The following FLT1 variants were observed in gnomAD, a reference collection of about 807,000 sequenced individuals.
The protein encoded by FLT1 is fms related receptor tyrosine kinase 1.
In FLT1, 49 loss-of-function variants were observed where a neutral mutation model predicts 156.3. The observed-to-expected ratio is 0.31, with a 90% CI of 0.25 to 0.40. The LOEUF is 0.40. Among genes scored for constraint, FLT1 ranks in the 10% least tolerant of loss-of-function variants. The pLI is 1.00. For missense variants in FLT1, 1,322 were observed against 1,637.2 expected (o/e 0.81, Z 3.32); for synonymous variants, 594 against 583.8 (o/e 1.02, Z -0.25).
In FLT1 at chr13:28,454,516, G is replaced by A. The variant is rs1009870876; in HGVS notation, c.388+12387C>T. On this transcript the variant is annotated intron_variant, in intron 3 of 29. Transcript: ENST00000282397. ...TGCCATACACTAGTTATATAACCTTGAAAAAGCTACTTAACCTTTCTGAGA... is the reference window on the plus strand; with the variant it reads ...TGCCATACACTAGTTATATAACCTTAAAAAAGCTACTTAACCTTTCTGAGA... 2.0e-5 allele frequency among the ~76,000 whole-genome samples: 3 copies of A among 152,124 alleles called. No individual in the cohort carries two copies. In the East Asian group the frequency reaches 5.8e-4, roughly 29 times the overall value.
rs747434441 is a variant in FLT1, at chr13:28,329,609, C to A, written c.2707+6G>T. 8.7e-6 allele frequency: 14 copies of A among 1,604,698 alleles called. No homozygotes were observed. In the Admixed American group the frequency reaches 2.2e-4, roughly 25 times the overall value. On this transcript the variant is annotated splice_donor_region_variant and intron_variant, in intron 19 of 29. Coordinates refer to ENST00000282397, the MANE Select transcript of FLT1 (RefSeq NM_002019.4). ...AGACGGAGCCGGCCCTCCCCTTCTCCATTACCTCCTTGCTTGGTGCAGGCT... is the reference window on the plus strand; with the variant it reads ...AGACGGAGCCGGCCCTCCCCTTCTCAATTACCTCCTTGCTTGGTGCAGGCT...
chr13:28,360,296 A>G (rs1408848092), intron 14 of FLT1, among the ~76,000 whole-genome samples: 1 of 152,242 alleles, frequency 6.6e-6, no homozygotes, highest in Non-Finnish European at 1.5e-5. Flanking sequence ...AAACAACTAA[A>G]AAGAAAACTG....
chr13:28,305,239 C>A (rs181591896), intron 29 of FLT1, among the ~76,000 whole-genome samples: 64 of 152,214 alleles, frequency 4.2e-4, no homozygotes, highest in African/African-American at 1.4e-3. Flanking sequence ...ATGGTAATTT[C>A]TTTCCCTTTT....
At chr13:28,329,277 G>C (rs1871821950) in intron 19 of FLT1, among the ~76,000 whole-genome samples, 1 of 152,206 alleles carries the variant, frequency 6.6e-6, no homozygotes, top group South Asian at 2.1e-4. Flanking sequence ...TTTAGGTGAA[G>C]CCTCAAGGAA....
chr13:28,384,279 C>T (rs901694207), intron 14 of FLT1, among the ~76,000 whole-genome samples: 1 of 151,738 alleles, frequency 6.6e-6, no homozygotes, highest in Non-Finnish European at 1.5e-5. Flanking sequence ...ATTAAAAATA[C>T]AAAAATTAGC....
Position 28,316,769 on chromosome 13 carries a change from G to C in FLT1, c.3386+729C>G, listed in dbSNP as rs557493929. On this transcript the variant is annotated intron_variant, in intron 25 of 29. Coordinates refer to ENST00000282397, the MANE Select transcript of FLT1 (RefSeq NM_002019.4). ...TTCTCATGCCTCAGCCTCCCAAGTA[G>C]CTGCCACCAGGCCCGGCTAACTTTT... Among the ~76,000 whole-genome samples, 11 of 151,482 alleles carry C rather than the reference G, an allele frequency of 7.3e-5. No individual in the cohort carries two copies. In the South Asian group the frequency reaches 1.5e-3, roughly 20 times the overall value.
At chr13:28,324,789 C>T (rs138231482) in intron 20 of FLT1, among the ~76,000 whole-genome samples, 11 of 152,286 alleles carry the variant, frequency 7.2e-5, no homozygotes, top group East Asian at 3.9e-4. Context: ...TTCTTCCCCA[C>T]GGCACCCAAA....
chr13:28,429,200 T>C (rs905364703), intron 8 of FLT1, among the ~76,000 whole-genome samples: 10 of 152,156 alleles, frequency 6.6e-5, no homozygotes, highest in Non-Finnish European at 1.5e-4. Context: ...AAGTTAAAAT[T>C]TTCTCTTTAA....
At chr13:28,452,016 G>C (rs1878968963) in intron 3 of FLT1, among the ~76,000 whole-genome samples, 2 of 152,276 alleles carry the variant, frequency 1.3e-5, no homozygotes, top group African/African-American at 2.4e-5. Context: ...AGTTTTTAAA[G>C]ATAAGTAGGA....
intron 14 of FLT1, among the ~76,000 whole-genome samples, chr13:28,378,828 A>G (rs1277650067): frequency 6.6e-6 from 1 of 152,236 alleles, no homozygotes; most frequent in Non-Finnish European, 1.5e-5. Context: ...TTATCTCCAA[A>G]ACACTTAACA....
At chr13:28,359,958 A>C (rs934305124) in intron 14 of FLT1, among the ~76,000 whole-genome samples, 2 of 152,198 alleles carry the variant, frequency 1.3e-5, no homozygotes, top group Non-Finnish European at 2.9e-5. Context: ...TAAAAATACA[A>C]AAATTAGCGG....
chr13:28,316,859 G>A (rs1333237419), intron 25 of FLT1, among the ~76,000 whole-genome samples: 1 of 152,030 alleles, frequency 6.6e-6, no homozygotes, highest in Non-Finnish European at 1.5e-5. Context: ...CTGACCTCAA[G>A]TGATCCGCCC....
intron 3 of FLT1, among the ~76,000 whole-genome samples, chr13:28,441,631 T>C (rs1878339405): frequency 6.6e-6 from 1 of 152,074 alleles, no homozygotes; most frequent in African/African-American, 2.4e-5. Flanking sequence ...GGAAAAAGGA[T>C]TGGAAACAAA....
intron 10 of FLT1, among the ~76,000 whole-genome samples, chr13:28,418,504 C>A (rs1876790571): frequency 6.6e-6 from 1 of 152,200 alleles, no homozygotes; most frequent in Non-Finnish European, 1.5e-5. Context: ...CAGGGATGTC[C>A]TCTGAGGAGT....
rs377555507 is a variant in FLT1 at position 28,461,717 on chromosome 13, C to T, written c.388+5186G>A. Among the ~76,000 whole-genome samples, 10 of 114,488 alleles carry T rather than the reference C, an allele frequency of 8.7e-5. 1 individual carries two copies. The highest frequency in any genetic ancestry group is 4.9e-4 in the African/African-American group (9 of 18,332). The allele number at this position is 114,488 out of a possible 152,430, so 75.1% of individuals were successfully genotyped here. On this transcript the variant is annotated intron_variant, in intron 3 of 29. Coordinates refer to ENST00000282397, the MANE Select transcript of FLT1 (RefSeq NM_002019.4). Reference sequence around the variant, plus strand: ...TCATAGCCAGGTAGAGCCTTTTTTTCCCCCGCTAAACACATTTATATAAAA... The same window carrying T: ...TCATAGCCAGGTAGAGCCTTTTTTTTCCCCGCTAAACACATTTATATAAAA...
chr13:28,408,587 A>G (rs1244989726), intron 10 of FLT1, among the ~76,000 whole-genome samples: 1 of 152,200 alleles, frequency 6.6e-6, no homozygotes, highest in East Asian at 1.9e-4. Flanking sequence ...AGATTGTGCC[A>G]TGTTTGAAGA....
chr13:28,330,691 C>T (rs1356461667), intron 18 of FLT1, among the ~76,000 whole-genome samples: 1 of 149,892 alleles, frequency 6.7e-6, no homozygotes, highest in African/African-American at 2.4e-5. Context: ...GACTTTTTCT[C>T]TTCTTTTTAT....
intron 13 of FLT1, 30 bp from the exon 14 acceptor site, chr13:28,385,061 A>C: frequency 6.2e-7 from 1 of 1,612,706 alleles, no homozygotes; most frequent in Non-Finnish European, 8.5e-7. Context: ...AGCTGTGATT[A>C]CTCGTCAACT....
At chr13:28,462,221 A>T (rs1879618804) in intron 3 of FLT1, among the ~76,000 whole-genome samples, 1 of 152,218 alleles carries the variant, frequency 6.6e-6, no homozygotes, top group Admixed American at 6.5e-5. Flanking sequence ...AGATGCCATT[A>T]AAAAACTCGT....
Sources: allele counts gnomAD v4.1 joint callset (sites outside exome capture counted in the v4.1 genomes callset), GRCh38; gene constraint gnomAD v4.1.1; transcripts MANE v1.5; gene names NCBI Gene and HGNC (gene_info 2026-07-23, HGNC 2026-07-21).